Variants in UPK1A observed in about 807,000 individuals in gnomAD.
UPK1A encodes the protein uroplakin-1a.
A neutral mutation model predicts 32.3 loss-of-function variants in UPK1A; 31 were observed. The ratio of observed to expected loss-of-function variants is 0.96; its 90% CI spans 0.72 to 1.30. The LOEUF (loss-of-function observed/expected upper bound fraction) is 1.30. Ranked by LOEUF, UPK1A falls within the 50% of genes most tolerant of loss-of-function variation. The pLI is 0.00. For synonymous variants in UPK1A, 135 were observed against 137.1 expected, an observed-to-expected ratio of 0.98 and a Z score of 0.11; for missense variants, 340 against 357.4, an observed-to-expected ratio of 0.95 and a Z score of 0.39.
intron 3 of UPK1A, among the ~76,000 whole-genome samples, chr19:35,671,247 C>T (rs62109998): frequency 0.17 from 24,940 of 150,106 alleles, 2,181 homozygotes; most frequent in Middle Eastern, 0.3. Flanking sequence ...ATTAACCAGG[C>T]GTGGTGGCGG....
rs867419961 is a variant in UPK1A at position 35,673,176 on chromosome 19, C to T, written c.286-56C>T. 2.7e-5 allele frequency: 42 copies of T among 1,568,150 alleles called. No individual in the cohort carries two copies. The Middle Eastern group carries it at 2.5e-3, about 93-fold the overall frequency. ...CATTTCCCCAGTGATGCTTCCCTGA[C>T]GGGGTGTGGCTTCACGGGCTCTGCC... On this transcript the variant is annotated intron_variant, in intron 3 of 7. Coordinates refer to ENST00000617999, the Ensembl canonical transcript of UPK1A.
At chr19:35,673,848 A>G (rs1331334662) in intron 5 of UPK1A, among the ~76,000 whole-genome samples, 1 of 152,190 alleles carries the variant, frequency 6.6e-6, no homozygotes, top group Non-Finnish European at 1.5e-5. Flanking sequence ...AGAAATGTTG[A>G]TAATAACAAT....
chr19:35,678,208 C>T (rs1968213164), exon 8 of UPK1A: 2 of 675,126 alleles, frequency 3.0e-6, no homozygotes, highest in African/African-American at 3.6e-5. Context: ...CCTGAAACCC[C>T]AGGGCTTGTG....
intron 2 of UPK1A, among the ~76,000 whole-genome samples, 176 bp downstream of exon 2, chr19:35,667,072 G>T (rs1476657689): frequency 6.6e-6 from 1 of 152,148 alleles, no homozygotes; most frequent in Admixed American, 6.5e-5. Flanking sequence ...CTTAGCAAGC[G>T]ACTGTCCCTC....
intron 6 of UPK1A, among the ~76,000 whole-genome samples, chr19:35,677,171 C>A (rs1426954950): frequency 6.6e-6 from 1 of 151,122 alleles, no homozygotes; most frequent in Admixed American, 6.6e-5. Flanking sequence ...CTGCAGAGAG[C>A]TGTGATGGTG....
intron 5 of UPK1A, among the ~76,000 whole-genome samples, chr19:35,674,310 G>A (rs1364326729): frequency 7.0e-6 from 1 of 143,388 alleles, no homozygotes; most frequent in Admixed American, 7.3e-5. Flanking sequence ...GCAGTGGCGC[G>A]ATCTCGGCTC....
chr19:35,677,079 C>T lies in UPK1A; in HGVS notation c.649-733C>T, dbSNP rs529271590. On this transcript the variant is annotated intron_variant, in intron 6 of 7. Transcript: ENST00000617999. ...TCTACAAAAAAGTACAGAAAATTAG[C>T]CAGGCGTGGTGGTGCGCGCCTGTAA... 4.6e-5 allele frequency among the ~76,000 whole-genome samples: 7 copies of T among 151,914 alleles called. No homozygotes were observed. The South Asian group carries it at 1.5e-3, about 32-fold the overall frequency.
intron 3 of UPK1A, among the ~76,000 whole-genome samples, chr19:35,670,774 G>A (rs533575059): frequency 6.9e-6 from 1 of 144,746 alleles, no homozygotes; most frequent in Admixed American, 7.2e-5. Flanking sequence ...GAGTGCAGTG[G>A]CACAATCATA....
In UPK1A at chr19:35,667,447, C is replaced by T. The variant is rs143732818; in HGVS notation, c.84+551C>T. ...TCCCGGGCTCAAGTGATTCTCCTGC[C>T]TCAGCCTCCAGAATAGCTGGGATTA... On this transcript the variant is annotated intron_variant, in intron 2 of 7. Coordinates refer to ENST00000617999, the Ensembl canonical transcript of UPK1A. Among the ~76,000 whole-genome samples the T allele has an allele frequency of 6.3e-3, 966 of 152,186 alleles. 6 individuals carry two copies. The highest frequency in any genetic ancestry group is 0.01 in the Middle Eastern group (3 of 294).
At chr19:35,678,061 C>T (rs531497608) in exon 8 of UPK1A, 146 of 1,527,998 alleles carry the variant, frequency 9.6e-5, no homozygotes, top group Admixed American at 7.8e-5. Flanking sequence ...CGGACTCCTC[C>T]GCATCCTCCT....
chr19:35,666,766 GGCCCTTTAC>G, intron 1 of UPK1A, 34 bp from the exon 2 acceptor site: 1 of 1,597,766 alleles, frequency 6.3e-7, no homozygotes, highest in Non-Finnish European at 8.6e-7. Context: ...GGGTCCGGCT[GGCCCTTTAC>G]GCTCCTGGCC....
At chr19:35,674,562 T>C (rs1333364452) in intron 5 of UPK1A, among the ~76,000 whole-genome samples, 1 of 152,064 alleles carries the variant, frequency 6.6e-6, no homozygotes, top group Non-Finnish European at 1.5e-5. Flanking sequence ...AAAGCTTTTT[T>C]AATCCTCACG....
exon 3 of UPK1A, chr19:35,668,622 G>T: frequency 6.2e-7 from 1 of 1,613,550 alleles, no homozygotes; most frequent in Non-Finnish European, 8.5e-7. Flanking sequence ...TGTGGGTGCC[G>T]CACTCTGCCG....
At chr19:35,673,348 G>A in intron 4 of UPK1A, 42 bp downstream of exon 4, 1 of 1,612,486 alleles carries the variant, frequency 6.2e-7, no homozygotes, top group Non-Finnish European at 8.5e-7. Flanking sequence ...ACCTGCATGG[G>A]AGGGGCGAGG....
At position 35,668,317 on chromosome 19, in the gene UPK1A, A is replaced by G. The variant is rs1001456717; in HGVS notation, c.85-137A>G. On this transcript the variant is annotated intron_variant, in intron 2 of 7. Transcript: ENST00000617999. ...CCTCTGCTCACCCTCATCGCTGCTCATGGAAGGCGAGGTCTTTGCCCACTT... is the reference window on the plus strand; with the variant it reads ...CCTCTGCTCACCCTCATCGCTGCTCGTGGAAGGCGAGGTCTTTGCCCACTT... 19 of 1,039,656 alleles carry G rather than the reference A, an allele frequency of 1.8e-5. 1 individual carries two copies. The highest frequency in any genetic ancestry group is 3.2e-5 in the African/African-American group (2 of 63,238). The allele number at this position is 1,039,656 out of a possible 1,614,324, so 64.4% of individuals were successfully genotyped here.
chr19:35,672,092 A>G (rs1219694830), intron 3 of UPK1A, among the ~76,000 whole-genome samples: 2 of 152,208 alleles, frequency 1.3e-5, no homozygotes, highest in Non-Finnish European at 2.9e-5. Context: ...TGAAGGTGCC[A>G]GGTGAGGACA....
At chr19:35,674,354 C>T (rs897834760) in intron 5 of UPK1A, among the ~76,000 whole-genome samples, 7 of 142,474 alleles carry the variant, frequency 4.9e-5, no homozygotes, top group Non-Finnish European at 1.0e-4. Flanking sequence ...TCACGCTATT[C>T]TCCTGCCTCA....
intron 2 of UPK1A, 54 bp from the exon 3 acceptor site, chr19:35,668,400 G>A (rs1231916983): frequency 6.2e-7 from 1 of 1,606,462 alleles, no homozygotes; most frequent in Non-Finnish European, 8.5e-7. Context: ...GGAGATGCCT[G>A]GTGCCAGGGC....
chr19:35,672,748 A>T (rs1443549648), intron 3 of UPK1A, among the ~76,000 whole-genome samples: 1 of 151,674 alleles, frequency 6.6e-6, no homozygotes, highest in Non-Finnish European at 1.5e-5. Flanking sequence ...TAATTTTTTT[A>T]TTTTTATTTT....
Sources: allele counts gnomAD v4.1 joint callset (sites outside exome capture counted in the v4.1 genomes callset), GRCh38; gene constraint gnomAD v4.1.1; transcripts MANE v1.5; gene names NCBI Gene and HGNC (gene_info 2026-07-23, HGNC 2026-07-21).